IFT122: variants seen among roughly 807,000 people sequenced by gnomAD.
IFT122 encodes intraflagellar transport 122, also known as intraflagellar transport protein 122 homolog.
A neutral mutation model predicts 161.6 loss-of-function variants in IFT122; 118 were observed. That is an observed-to-expected ratio of 0.73 (90% CI 0.63 to 0.85). The LOEUF (loss-of-function observed/expected upper bound fraction) is 0.85. IFT122 is among the 40% of genes least tolerant of loss of function. The pLI is 0.00. For missense variants in IFT122, 1,381 were observed against 1,579.6 expected (o/e 0.87, Z 2.13); for synonymous variants, 550 against 602.4 (o/e 0.91, Z 1.27).
intron 1 of IFT122, among the ~76,000 whole-genome samples, chr3:129,440,938 A>T (rs1419589454): frequency 3.9e-5 from 6 of 152,146 alleles, no homozygotes; most frequent in Non-Finnish European, 7.4e-5. Flanking sequence ...GTTGCTAGGG[A>T]GCCTTTAAAC....
intron 8 of IFT122, 122 bp downstream of exon 8, chr3:129,467,188 G>A (rs1200785262): frequency 9.2e-6 from 8 of 869,618 alleles, no homozygotes; most frequent in African/African-American, 1.7e-5. Flanking sequence ...AACTGTGGGT[G>A]AAAGCGCCTT....
chr3:129,482,411 G>A (rs1438152179), intron 14 of IFT122, among the ~76,000 whole-genome samples: 4 of 152,206 alleles, frequency 2.6e-5, no homozygotes, highest in Non-Finnish European at 5.9e-5. Flanking sequence ...CCAGAGTGAA[G>A]TTCCCCCCAA....
rs189625391 is a variant in IFT122 at position 129,461,259 on chromosome 3, A to C, written c.304A>C (p.Asn102His). ...TGATGCTATACAATGTGTCTCCTACAATCCTATTACTCATCAACTGGCATC... is the reference window on the plus strand; with the variant it reads ...TGATGCTATACAATGTGTCTCCTACCATCCTATTACTCATCAACTGGCATC... ...HNDAIQCVSYNPITHQLASCS... is the reference protein window; with the variant it reads ...HNDAIQCVSYHPITHQLASCS... The change falls in exon 5 of 30, where the codon AAT (asparagine) becomes CAT (histidine). Residue 102 changes from asparagine to histidine, a missense_variant. Coordinates refer to ENST00000348417, the MANE Select transcript of IFT122 (RefSeq NM_052989.3). The C allele has an allele frequency of 8.1e-6, 13 of 1,613,756 alleles. No homozygotes were observed. In the African/African-American group the frequency reaches 1.6e-4, roughly 20 times the overall value.
intron 11 of IFT122, 108 bp downstream of exon 11, chr3:129,476,909 G>A: frequency 7.1e-7 from 1 of 1,408,410 alleles, no homozygotes; most frequent in Non-Finnish European, 9.9e-7. Flanking sequence ...TTGGCGTTTT[G>A]CAAACCTGTT....
intron 8 of IFT122, 112 bp from the exon 9 acceptor site, chr3:129,469,230 C>A: frequency 1.1e-6 from 1 of 933,402 alleles, no homozygotes; most frequent in Non-Finnish European, 1.8e-6. Flanking sequence ...AGCTGTACAA[C>A]ATTTGGCAAC....
At position 129,519,117 on chromosome 3, in the gene IFT122, T is replaced by G; in HGVS notation, c.3402T>G (p.Ile1134Met). ...QLEIANNSSQ[I>M]LRLVETKDSI... is the part of the protein sequence containing the mutation. The stretch of plus-strand genomic sequence containing the variant: ...ACCAGATCCCTCCAGGCTCCCAGAT[T>G]CTGCGGCTAGTGGAGACCAAGGACT... Residue 1134 changes from isoleucine (I) to methionine (M), a missense_variant, in exon 28 of 30, where the codon ATT becomes ATG. Ile to Met is a conservative substitution (Grantham distance 10). Around this residue, in one of 7 missense-constraint regions of IFT122, gnomAD observed 177 missense variants for 199.2 expected, o/e 0.89. Transcript: ENST00000348417. 1 of 1,614,062 alleles carries G rather than the reference T, an allele frequency of 6.2e-7. No homozygotes were observed.
chr3:129,478,229 G>A lies in IFT122; in HGVS notation c.1350+11G>A, dbSNP rs1247338853. ...ATCATCCTGTGCCAGGTGGGCAGCA[G>A]CATGTTGAAGGAGTTGGGCTGAATT... On this transcript the variant is annotated intron_variant, in intron 12 of 29. Coordinates refer to ENST00000348417, the MANE Select transcript of IFT122 (RefSeq NM_052989.3). The A allele has an allele frequency of 3.7e-6, 6 of 1,612,996 alleles. No individual in the cohort carries two copies. The East Asian group carries it at 1.1e-4, about 30-fold the overall frequency.
rs763456289 is a variant in IFT122 at position 129,460,814 on chromosome 3, T to A, written c.273-414T>A. Reference sequence around the variant, plus strand: ...ACGCCTTGCATGGTACATGATTTGCTCAGCTTTCATTGTTGTCTAAGGATT... The same window carrying A: ...ACGCCTTGCATGGTACATGATTTGCACAGCTTTCATTGTTGTCTAAGGATT... On this transcript the variant is annotated intron_variant, in intron 4 of 29. Transcript: ENST00000348417. 1.6e-5 allele frequency: 24 copies of A among 1,548,294 alleles called. No homozygotes were observed. The Admixed American group carries it at 4.0e-4, about 26-fold the overall frequency.
rs765046140 is a variant in IFT122 at position 129,502,666 on chromosome 3, A to G, written c.2376-45A>G. 1.1e-5 allele frequency: 17 copies of G among 1,598,708 alleles called. No homozygotes were observed. In the South Asian group the frequency reaches 1.8e-4, roughly 17 times the overall value. ...TGAATGGACATACGGCTTGCCGTTG[A>G]CAAGACCCAGAGCCCACCCTCCTAC... On this transcript the variant is annotated intron_variant, in intron 19 of 29. Transcript: ENST00000348417.
At chr3:129,440,629 C>T (rs967699609) in intron 1 of IFT122, among the ~76,000 whole-genome samples, 1 of 152,202 alleles carries the variant, frequency 6.6e-6, no homozygotes, top group African/African-American at 2.4e-5. Flanking sequence ...CGGTCTGGCC[C>T]TGTCGCTGCC....
At chr3:129,440,413 C>T in intron 1 of IFT122, 42 bp downstream of exon 1, 2 of 1,547,526 alleles carry the variant, frequency 1.3e-6, no homozygotes, top group South Asian at 1.2e-5. Flanking sequence ...AGGTCGAGTC[C>T]TCGCGGGGAG....
chr3:129,470,413 A>C (rs2077243427), intron 9 of IFT122, among the ~76,000 whole-genome samples: 1 of 150,280 alleles, frequency 6.7e-6, no homozygotes, highest in Admixed American at 6.6e-5. Flanking sequence ...ACAGGCGCCC[A>C]CCACCACGCC....
intron 17 of IFT122, among the ~76,000 whole-genome samples, chr3:129,492,836 T>G (rs2108455976): frequency 6.9e-6 from 1 of 144,830 alleles, no homozygotes; most frequent in South Asian, 2.2e-4. Context: ...TTTTTTTTTC[T>G]GAAACAAGGT....
Position 129,517,194 on chromosome 3 carries a change from T to TAC in IFT122, c.3266-263_3266-262dup, listed in dbSNP as rs66573154. Among the ~76,000 whole-genome samples the TAC allele has an allele frequency of 4.2e-3, 310 of 73,788 alleles. 1 individual carries two copies. The highest frequency in any genetic ancestry group is 0.014 in the African/African-American group (285 of 20,376). 48.4% of individuals were successfully genotyped at this position (73,788 alleles called of 152,430 possible). On this transcript the variant is annotated intron_variant, in intron 26 of 29. Coordinates refer to ENST00000348417, the MANE Select transcript of IFT122 (RefSeq NM_052989.3). ...TCTGCACACACACAGAGACTGCCCC[T>TAC]ACACACACACACAGACTGCCCCTGC...
intron 17 of IFT122, among the ~76,000 whole-genome samples, chr3:129,495,118 A>G (rs1018086870): frequency 1.3e-4 from 20 of 152,186 alleles, no homozygotes; most frequent in African/African-American, 4.6e-4. Flanking sequence ...TTGGGAGCTT[A>G]GGGGTCATGG....
At chr3:129,495,168 G>A (rs2080688938) in intron 17 of IFT122, among the ~76,000 whole-genome samples, 1 of 152,164 alleles carries the variant, frequency 6.6e-6, no homozygotes, top group African/African-American at 2.4e-5. Context: ...TTCCGTCATA[G>A]CCTTGGAATA....
At chr3:129,513,860 A>C in intron 24 of IFT122, 1 of 260,678 alleles carries the variant, frequency 3.8e-6, no homozygotes, top group Non-Finnish European at 7.4e-6. Context: ...CCTCTGGCTG[A>C]GGAGCTTCAA....
At chr3:129,505,746 A>G (rs1176533224) in intron 21 of IFT122, among the ~76,000 whole-genome samples, 1 of 152,238 alleles carries the variant, frequency 6.6e-6, no homozygotes, top group Non-Finnish European at 1.5e-5. Context: ...GTTAAACAGT[A>G]TAGGAACGAT....
intron 10 of IFT122, 77 bp from the exon 11 acceptor site, chr3:129,476,586 G>T: frequency 1.9e-6 from 3 of 1,613,438 alleles, no homozygotes; most frequent in Non-Finnish European, 2.5e-6. Context: ...TCACATCACT[G>T]GGGTTTGTGT....
Sources: gnomAD v4.1 joint callset for allele counts (sites outside exome capture counted in the v4.1 genomes callset) on GRCh38, gnomAD v4.1.1 for gene constraint, gnomAD v4.1.1 regional missense constraint, MANE v1.5 for transcripts, NCBI Gene and HGNC (gene_info 2026-07-23, HGNC 2026-07-21) for gene names.